PPP2R5B: variants seen among roughly 807,000 people sequenced by gnomAD.
The protein encoded by PPP2R5B is serine/threonine-protein phosphatase 2A 56 kDa regulatory subunit beta isoform.
In PPP2R5B, 19 loss-of-function variants were observed where a neutral mutation model predicts 59.9. The observed-to-expected ratio is 0.32, with a 90% CI of 0.22 to 0.47. The LOEUF (loss-of-function observed/expected upper bound fraction) is 0.47. Ranked by LOEUF, PPP2R5B falls within the 20% of genes least tolerant of loss-of-function variation. The pLI is 1.00. For synonymous variants in PPP2R5B, 286 were observed against 260.5 expected, an observed-to-expected ratio of 1.10 and a Z score of -0.94; for missense variants, 441 against 640.2, an observed-to-expected ratio of 0.69 and a Z score of 3.36.
intron 6 of PPP2R5B, among the ~76,000 whole-genome samples, chr11:64,928,988 A>C (rs1472644429): frequency 6.6e-6 from 1 of 151,238 alleles, no homozygotes; most frequent in African/African-American, 2.4e-5. Flanking sequence ...AAAAGAAAAC[A>C]AAAAAAAAGA....
chr11:64,931,401 C>G lies in PPP2R5B; in HGVS notation c.892-35C>G, dbSNP rs767770680. The G allele has an allele frequency of 2.5e-6, 4 of 1,611,194 alleles. No homozygotes were observed. The East Asian group carries it at 8.9e-5, about 36-fold the overall frequency. ...CCTTGGCGCCTGGTGCCTTCCTGACCTGTCTTCCTTCCCTCCACCTGTCAC... is the reference window on the plus strand; with the variant it reads ...CCTTGGCGCCTGGTGCCTTCCTGACGTGTCTTCCTTCCCTCCACCTGTCAC... On this transcript the variant is annotated intron_variant, in intron 8 of 13. Transcript: ENST00000164133. The surrounding 1 kb of genome is among the most constrained non-coding windows in gnomAD (Gnocchi z 5.0).
chr11:64,929,424 G>A (rs145393218), intron 6 of PPP2R5B, among the ~76,000 whole-genome samples: 10 of 152,214 alleles, frequency 6.6e-5, no homozygotes, highest in East Asian at 3.9e-4. Context: ...TAGTTTGCTC[G>A]TCTTTAAAAT....
At chr11:64,922,488 A>G (rs1590673552), upstream of PPP2R5B, among the ~76,000 whole-genome samples, 1 of 152,030 alleles carries the variant, frequency 6.6e-6, no homozygotes, top group South Asian at 2.1e-4. Flanking sequence ...ACTCTGTCTC[A>G]AAAAACAAAC....
In PPP2R5B at chr11:64,931,370, G is replaced by C; in HGVS notation, c.892-66G>C. On this transcript the variant is annotated intron_variant, in intron 8 of 13. Coordinates refer to ENST00000164133, the MANE Select transcript of PPP2R5B (RefSeq NM_006244.4). The surrounding 1 kb of genome is among the most constrained non-coding windows in gnomAD (Gnocchi z 5.0). ...AGTATTTGGCATTCTGTCCTGGACAGCAAGTCCTTGGCGCCTGGTGCCTTC... is the reference window on the plus strand; with the variant it reads ...AGTATTTGGCATTCTGTCCTGGACACCAAGTCCTTGGCGCCTGGTGCCTTC... 6.5e-7 allele frequency: 1 copy of C among 1,549,920 alleles called. No homozygotes were observed. The highest frequency in any genetic ancestry group is 8.9e-7 in the Non-Finnish European group (1 of 1,126,150).
Position 64,925,961 on chromosome 11 carries a change from A to G in PPP2R5B, c.199+28A>G. On this transcript the variant is annotated intron_variant, in intron 2 of 13. Transcript: ENST00000164133. This position sits in a 1 kb window ranked among gnomAD's most constrained non-coding sequence, Gnocchi z 4.6. ...GAGCTGGCTGCTGGCCACTGGGGGA[A>G]CCGAACCCCCGAGGGGACCAGCAGG... The G allele has an allele frequency of 1.2e-6, 2 of 1,600,024 alleles. No individual in the cohort carries two copies. The highest frequency in any genetic ancestry group is 1.7e-6 in the Non-Finnish European group (2 of 1,173,300).
At chr11:64,923,667 C>A (rs1212628991), upstream of PPP2R5B, among the ~76,000 whole-genome samples, 1 of 152,150 alleles carries the variant, frequency 6.6e-6, no homozygotes, top group Non-Finnish European at 1.5e-5. Flanking sequence ...TCACCAAGAC[C>A]CAAAGCAAGA....
At chr11:64,921,360 G>T (rs962857860), upstream of PPP2R5B, among the ~76,000 whole-genome samples, 2 of 152,024 alleles carry the variant, frequency 1.3e-5, no homozygotes, top group East Asian at 3.9e-4. Context: ...GAAGTTTGGG[G>T]TCAGGATTCC....
chr11:64,925,844 G>A lies in PPP2R5B; in HGVS notation c.110G>A (p.Arg37His), dbSNP rs765577553. ...GACGGCTTCTCCCGCCGTTCCCTCC[G>A]CAGAGCCCGGCCCCGCCGCTCCCAC... ...KVDGFSRRSL[R>H]RARPRRSHSS... Residue 37 changes from arginine (R) to histidine (H), a missense_variant, in exon 2 of 14, where the codon CGC (arginine) becomes CAC (histidine). Physicochemically the swap from Arg to His is conservative, Grantham distance 29. Around this residue, in one of 3 missense-constraint regions of PPP2R5B, gnomAD observed 103 missense variants for 87.9 expected, o/e 1.17. Transcript: ENST00000164133. The surrounding 1 kb of genome is among the most constrained non-coding windows in gnomAD (Gnocchi z 4.6). The A allele has an allele frequency of 2.3e-5, 36 of 1,595,738 alleles. 1 individual carries two copies. The South Asian group carries it at 2.6e-4, about 12-fold the overall frequency.
upstream of PPP2R5B, among the ~76,000 whole-genome samples, chr11:64,921,773 C>T (rs1945111874): frequency 1.3e-5 from 2 of 152,174 alleles, no homozygotes; most frequent in Non-Finnish European, 2.9e-5. Context: ...CTGGAACACA[C>T]CTGAAAAAGC....
Position 64,931,950 on chromosome 11 carries a change from C to G in PPP2R5B, c.1116+82C>G, listed in dbSNP as rs1014849031. Reference sequence around the variant, plus strand: ...CTGACCTAATAAAGCTCCCTTTGCCCTCAGTTTCTCCTCCAATCCCGGGTC... The same window carrying G: ...CTGACCTAATAAAGCTCCCTTTGCCGTCAGTTTCTCCTCCAATCCCGGGTC... On this transcript the variant is annotated intron_variant, in intron 11 of 13. Transcript: ENST00000164133. The surrounding 1 kb of genome is among the most constrained non-coding windows in gnomAD (Gnocchi z 5.0). The G allele has an allele frequency of 3.2e-6, 5 of 1,548,304 alleles. No individual in the cohort carries two copies. The highest frequency in any genetic ancestry group is 4.4e-6 in the Non-Finnish European group (5 of 1,148,060).
rs542513623 is a variant in PPP2R5B, at chr11:64,925,587, T to TG, written c.-139dup. 3,031 of 496,240 alleles carry TG rather than the reference T, an allele frequency of 6.1e-3. 3 individuals are homozygous for TG. Among genetic ancestry groups the TG allele is most frequent in the South Asian group, 7.2e-3 (294 of 40,772 alleles). The allele number at this position is 496,240 out of a possible 1,614,324, so 30.7% of individuals were successfully genotyped here. On this transcript the variant is annotated 5_prime_UTR_variant, in exon 2 of 14. Coordinates refer to ENST00000164133, the MANE Select transcript of PPP2R5B (RefSeq NM_006244.4). The surrounding 1 kb of genome is among the most constrained non-coding windows in gnomAD (Gnocchi z 4.6). The stretch of plus-strand genomic sequence containing the variant: ...AGGACTGGGCAGTTGCAGGAGGCCC[T>TG]GGGGGGGGGCCCAGGACTGTGGTTG...
chr11:64,927,048 T>C, intron 3 of PPP2R5B, 140 bp downstream of exon 3: 1 of 1,017,418 alleles, frequency 9.8e-7, no homozygotes, highest in East Asian at 2.6e-5. Context: ...CCCCCCGACC[T>C]GCTGCTGCCC....
At chr11:64,932,717 G>C (rs1565106506) in intron 11 of PPP2R5B, 48 bp from the exon 12 acceptor site, 6 of 1,600,162 alleles carry the variant, frequency 3.7e-6, no homozygotes, top group Non-Finnish European at 3.4e-6. Flanking sequence ...CTTGCACACA[G>C]AGAGAAGCCA....
intron 6 of PPP2R5B, among the ~76,000 whole-genome samples, chr11:64,928,972 AAAAAG>A (rs1945200592): frequency 6.6e-6 from 1 of 152,120 alleles, no homozygotes; most frequent in Non-Finnish European, 1.5e-5. Context: ...TCTCAAAAAA[AAAAAG>A]AAAAGAAAAC....
chr11:64,926,017 G>A, intron 2 of PPP2R5B, 84 bp downstream of exon 2: 1 of 1,383,422 alleles, frequency 7.2e-7, no homozygotes, highest in Non-Finnish European at 9.8e-7. Flanking sequence ...GCAGCGGGCA[G>A]CTGCCAAGAG....
chr11:64,927,001 T>C, intron 3 of PPP2R5B, 93 bp downstream of exon 3: 5 of 1,426,890 alleles, frequency 3.5e-6, no homozygotes, highest in Non-Finnish European at 4.7e-6. Context: ...AGAATAACCC[T>C]GTACTCATCG....
At chr11:64,920,633 AT>A (rs34609480), upstream of PPP2R5B, among the ~76,000 whole-genome samples, 4 of 144,004 alleles carry the variant, frequency 2.8e-5, no homozygotes, top group South Asian at 2.2e-4. Flanking sequence ...TCCAGCAGTT[AT>A]TTTTTTTTTT....
upstream of PPP2R5B, chr11:64,924,600 C>T (rs1945138347): frequency 6.6e-6 from 1 of 152,344 alleles, no homozygotes; most frequent in African/African-American, 2.4e-5. Context: ...GGCGCGGGGA[C>T]TACATCTCCC....
chr11:64,925,853 G>T lies in PPP2R5B; in HGVS notation c.119G>T (p.Arg40Leu), dbSNP rs751546233. The T allele has an allele frequency of 6.3e-7, 1 of 1,598,672 alleles. No individual in the cohort carries two copies. Among genetic ancestry groups the T allele is most frequent in the Non-Finnish European group, 8.5e-7 (1 of 1,173,240 alleles). Reference protein sequence around the residue: ...GFSRRSLRRARPRRSHSSSQF... With the variant: ...GFSRRSLRRALPRRSHSSSQF... The stretch of plus-strand genomic sequence containing the variant: ...TCCCGCCGTTCCCTCCGCAGAGCCC[G>T]GCCCCGCCGCTCCCACAGCTCCTCT... Residue 40 changes from arginine (R) to leucine (L), a missense_variant, in exon 2 of 14, where the codon CGG becomes CTG. Physicochemically the swap from Arg to Leu is moderately radical, Grantham distance 102. This residue lies in a region of PPP2R5B where 103 missense variants were observed against 87.9 expected (regional missense o/e 1.17). Transcript: ENST00000164133. The surrounding 1 kb of genome is among the most constrained non-coding windows in gnomAD (Gnocchi z 4.6).
Sources: gnomAD v4.1 joint callset for allele counts (sites outside exome capture counted in the v4.1 genomes callset) on GRCh38, gnomAD v4.1.1 for gene constraint, gnomAD v4.1.1 regional missense constraint, Gnocchi (gnomAD v3.1) non-coding constraint, MANE v1.5 for transcripts, NCBI Gene and HGNC (gene_info 2026-07-23, HGNC 2026-07-21) for gene names.